TMEM225B: variants seen among roughly 807,000 people sequenced by gnomAD.
The protein encoded by TMEM225B is transmembrane protein 225B.
A neutral mutation model predicts 16.9 loss-of-function variants in TMEM225B; 10 were observed. The observed-to-expected ratio is 0.59, with a 90% CI of 0.36 to 1.00. The LOEUF (loss-of-function observed/expected upper bound fraction) is 1.00. TMEM225B is among the 50% of genes least tolerant of loss of function. TMEM225B has a pLI of 0.01. For missense variants in TMEM225B, 217 were observed against 267.0 expected (o/e 0.81, Z 1.30); for synonymous variants, 92 against 109.8 (o/e 0.84, Z 1.01).
rs1805384788 is a variant in TMEM225B, at chr7:99,601,784, A to G, written c.-4+1499A>G. Among the ~76,000 whole-genome samples, 6 of 152,246 alleles carry G rather than the reference A, an allele frequency of 3.9e-5. No individual in the cohort carries two copies. The South Asian group carries it at 1.2e-3, about 32-fold the overall frequency. ...CCTCTGCCATTAGGCTTGTTCAGCCATAGCCATTGGTAGCTCTCAGAGACG... is the reference window on the plus strand; with the variant it reads ...CCTCTGCCATTAGGCTTGTTCAGCCGTAGCCATTGGTAGCTCTCAGAGACG... On this transcript the variant is annotated intron_variant, in intron 2 of 5. Transcript: ENST00000431679.
chr7:99,604,373 T>G lies in TMEM225B; in HGVS notation c.-3-13T>G, dbSNP rs1805612807. 3 of 1,531,920 alleles carry G rather than the reference T, an allele frequency of 2.0e-6. No individual in the cohort carries two copies. The highest frequency in any genetic ancestry group is 3.9e-5 in the Admixed American group (2 of 50,966). The allele number at this position is 1,531,920 out of a possible 1,614,324, so 94.9% of individuals were successfully genotyped here. A position where few individuals can be genotyped will look rare whatever the true frequency, so the allele number is the denominator to read the frequency against. On this transcript the variant is annotated splice_polypyrimidine_tract_variant and intron_variant, in intron 2 of 5. Coordinates refer to ENST00000431679, the MANE Select transcript of TMEM225B (RefSeq NM_001195541.3). ...CGGTGTCCCACCTCCACGATCACTT[T>G]TCTCTTACACAGGTGATGCTGACGT...
chr7:99,605,891 C>A (rs965539526), intron 3 of TMEM225B, among the ~76,000 whole-genome samples: 3 of 152,204 alleles, frequency 2.0e-5, no homozygotes. Context: ...CCCAGTCTCA[C>A]TCCTATTAAC....
At chr7:99,606,244 A>G (rs569934029) in intron 3 of TMEM225B, among the ~76,000 whole-genome samples, 3 of 152,306 alleles carry the variant, frequency 2.0e-5, no homozygotes, top group Admixed American at 2.0e-4. Flanking sequence ...GCAGTGAGCT[A>G]TGATGGTGCC....
rs532705140 is a variant in TMEM225B, at chr7:99,610,503, T to C, written c.604T>C (p.Leu202=). 152 of 1,535,930 alleles carry C rather than the reference T, an allele frequency of 9.9e-5. No homozygotes were observed. Among genetic ancestry groups the C allele is most frequent in the Non-Finnish European group, 1.2e-4 (143 of 1,146,882 alleles). ...CCTGTACCTGGACAATCTGGAGAGT[T>C]TGGGAGGAGAACCGAGCTCAGTACA... ...GSLYLDNLES[L]GGEPSSVQKE... Residue 202 remains leucine (L), a synonymous_variant, in exon 6 of 6, where the codon TTG becomes CTG. Transcript: ENST00000431679.
At chr7:99,602,568 C>CT (rs1381901943) in intron 2 of TMEM225B, among the ~76,000 whole-genome samples, 1 of 152,096 alleles carries the variant, frequency 6.6e-6, no homozygotes, top group African/African-American at 2.4e-5. Context: ...TATATCCTTC[C>CT]TTTTCCAGAT....
intron 3 of TMEM225B, among the ~76,000 whole-genome samples, chr7:99,605,773 A>G (rs1805758163): frequency 6.6e-6 from 1 of 152,122 alleles, no homozygotes; most frequent in Admixed American, 6.5e-5. Context: ...TTTCTTGTAG[A>G]GATGGGGTCT....
At chr7:99,599,950 C>T (rs1805206441) in intron 1 of TMEM225B, among the ~76,000 whole-genome samples, 1 of 152,248 alleles carries the variant, frequency 6.6e-6, no homozygotes, top group South Asian at 2.1e-4. Context: ...GGCCTATATC[C>T]GTGCGGATCT....
rs375255036 is a variant in TMEM225B, at chr7:99,610,473, G to A, written c.574G>A (p.Gly192Arg). Residue 192 changes from glycine to arginine, a missense_variant, in exon 6 of 6, where the codon GGG becomes AGG. Coordinates refer to ENST00000431679, the MANE Select transcript of TMEM225B (RefSeq NM_001195541.3). ...TTCCCAGAGTATGGAGGAGGACCAC[G>A]GGAGCCTGTACCTGGACAATCTGGA... ...STSQSMEEDH[G>R]SLYLDNLESL... The A allele has an allele frequency of 1.5e-5, 23 of 1,535,970 alleles. No individual in the cohort carries two copies. Among genetic ancestry groups the A allele is most frequent in the South Asian group, 1.3e-4 (11 of 84,070 alleles).
chr7:99,599,622 C>A (rs1441712039), intron 1 of TMEM225B, among the ~76,000 whole-genome samples: 1 of 152,200 alleles, frequency 6.6e-6, no homozygotes, highest in East Asian at 1.9e-4. Flanking sequence ...GTTTTTAATG[C>A]TCTTGGCAAA....
In TMEM225B at chr7:99,606,836, G is replaced by A; in HGVS notation, c.297G>A (p.Glu99=). The change falls in exon 4 of 6, where the codon GAG becomes GAA. Residue 99 remains glutamate, a synonymous_variant. Transcript: ENST00000431679. ...TCATCATGATGCCCTTTGCATCCGA[G>A]TTCTTCCCGAGGACCTGGAAGCAAA... ...TTFIMMPFAS[E]FFPRTWKQNF... 6.5e-7 allele frequency: 1 copy of A among 1,536,120 alleles called. No homozygotes were observed. Among genetic ancestry groups the A allele is most frequent in the Non-Finnish European group, 8.7e-7 (1 of 1,146,904 alleles).
chr7:99,599,103 G>T (rs1048368243), intron 1 of TMEM225B, among the ~76,000 whole-genome samples: 123 of 151,218 alleles, frequency 8.1e-4, no homozygotes, highest in Non-Finnish European at 1.1e-3. Flanking sequence ...GGGACTACAG[G>T]CGCCCCCACC....
chr7:99,603,908 G>A (rs1805571397), intron 2 of TMEM225B, among the ~76,000 whole-genome samples: 1 of 152,040 alleles, frequency 6.6e-6, no homozygotes, highest in South Asian at 2.1e-4. Context: ...GACTACAGGT[G>A]TGCAACACCA....
Position 99,608,621 on chromosome 7 carries a change from C to T in TMEM225B, c.493+811C>T, listed in dbSNP as rs146106852. 3.3e-3 allele frequency among the ~76,000 whole-genome samples: 494 copies of T among 147,694 alleles called. 12 individuals carry two copies. The highest frequency in any genetic ancestry group is 0.03 in the Admixed American group (440 of 14,724). On this transcript the variant is annotated intron_variant, in intron 5 of 5. Transcript: ENST00000431679. The stretch of plus-strand genomic sequence containing the variant: ...TTGGAGTGCAGTGGTACAACTGCAG[C>T]CTCCAACTCTGGGGCTCAAGCGATC...
rs1367055234 is a variant in TMEM225B at position 99,606,909 on chromosome 7, G to C, written c.355+15G>C. 4 of 1,535,934 alleles carry C rather than the reference G, an allele frequency of 2.6e-6. No homozygotes were observed. Among genetic ancestry groups the C allele is most frequent in the Middle Eastern group, 1.7e-4 (1 of 6,012 alleles). On this transcript the variant is annotated intron_variant, in intron 4 of 5. Coordinates refer to ENST00000431679, the MANE Select transcript of TMEM225B (RefSeq NM_001195541.3). ...CTTCTTCACAGGTGTGGAACAGCTA[G>C]GTGATCCCTGACCTTCGCTAGGGCC...
intron 3 of TMEM225B, 103 bp downstream of exon 3, chr7:99,604,699 C>A: frequency 1.1e-6 from 1 of 925,846 alleles, no homozygotes; most frequent in Non-Finnish European, 1.7e-6. Context: ...AGGACAAAAT[C>A]TAATTAGCTC....
chr7:99,600,425 C>T lies in TMEM225B; in HGVS notation c.-4+140C>T, dbSNP rs73405282. 3,571 of 643,070 alleles carry T rather than the reference C, an allele frequency of 5.6e-3. 78 individuals carry two copies. The highest frequency in any genetic ancestry group is 0.054 in the African/African-American group (3,007 of 55,386). 39.8% of individuals were successfully genotyped at this position (643,070 alleles called of 1,614,324 possible). ...AGGCACCCCCGCCCCCAGGAAGGAA[C>T]CCAGGTGTATTAGTCTGTTCTCATG... is the stretch of plus-strand genomic sequence containing the variant. On this transcript the variant is annotated intron_variant, in intron 2 of 5. Coordinates refer to ENST00000431679, the MANE Select transcript of TMEM225B (RefSeq NM_001195541.3).
intron 3 of TMEM225B, chr7:99,605,532 G>A (rs761101121): frequency 2.8e-5 from 4 of 145,056 alleles, no homozygotes; most frequent in Non-Finnish European, 6.0e-5. Flanking sequence ...GAGTTCAAGC[G>A]ATCCTCCCAC....
chr7:99,604,551 G>A lies in TMEM225B; in HGVS notation c.163G>A (p.Glu55Lys). 6.5e-7 allele frequency: 1 copy of A among 1,536,120 alleles called. No homozygotes were observed. The highest frequency in any genetic ancestry group is 8.7e-7 in the Non-Finnish European group (1 of 1,146,904). Reference sequence around the variant, plus strand: ...CGAAGTCTTTTTCAGTGGCCTATTTGAGAACTGCTTCAATGCCAAATGCTG... The same window carrying A: ...CGAAGTCTTTTTCAGTGGCCTATTTAAGAACTGCTTCAATGCCAAATGCTG... ...SHEVFFSGLF[E>K]NCFNAKCWKP... The change falls in exon 3 of 6, where the codon GAG becomes AAG. Residue 55 changes from glutamate to lysine, a missense_variant. Physicochemically the swap from Glu to Lys is moderately conservative, Grantham distance 56. Coordinates refer to ENST00000431679, the MANE Select transcript of TMEM225B (RefSeq NM_001195541.3).
Position 99,606,844 on chromosome 7 carries a change from C to T in TMEM225B, c.305C>T (p.Pro102Leu), listed in dbSNP as rs117141110. Reference sequence around the variant, plus strand: ...ATGCCCTTTGCATCCGAGTTCTTCCCGAGGACCTGGAAGCAAAACTTTGTG... The same window carrying T: ...ATGCCCTTTGCATCCGAGTTCTTCCTGAGGACCTGGAAGCAAAACTTTGTG... ...IMMPFASEFFPRTWKQNFVLA... is the reference protein window; with the variant it reads ...IMMPFASEFFLRTWKQNFVLA... Residue 102 changes from proline (P) to leucine (L), a missense_variant, in exon 4 of 6, where the codon CCG (proline) becomes CTG (leucine). Transcript: ENST00000431679. 3,714 of 1,536,110 alleles carry T rather than the reference C, an allele frequency of 2.4e-3. 5 individuals are homozygous for T. Among genetic ancestry groups the T allele is most frequent in the Non-Finnish European group, 2.9e-3 (3,344 of 1,146,894 alleles).
Sources: gnomAD v4.1 joint callset for allele counts (sites outside exome capture counted in the v4.1 genomes callset) on GRCh38, gnomAD v4.1.1 for gene constraint, MANE v1.5 for transcripts, NCBI Gene and HGNC (gene_info 2026-07-23, HGNC 2026-07-21) for gene names.